Variants in COLQ observed in about 807,000 individuals in gnomAD.
The protein encoded by COLQ is collagen like tail subunit of asymmetric acetylcholinesterase.
A neutral mutation model predicts 69.0 loss-of-function variants in COLQ; 48 were observed. The ratio of observed to expected loss-of-function variants is 0.70; its 90% CI spans 0.55 to 0.88. The LOEUF (loss-of-function observed/expected upper bound fraction) is 0.88, where lower values mean the gene tolerates loss of function less well. Among genes scored for constraint, COLQ ranks in the 40% least tolerant of loss-of-function variants. The pLI, the probability that COLQ is intolerant of heterozygous loss-of-function variation, is 0.00. For synonymous variants in COLQ, 217 were observed against 211.2 expected, an observed-to-expected ratio of 1.03 and a Z score of -0.24; for missense variants, 618 against 594.6, an observed-to-expected ratio of 1.04 and a Z score of -0.41.
At chr3:15,515,386 A>G (rs1239565167) in intron 1 of COLQ, among the ~76,000 whole-genome samples, 1 of 152,174 alleles carries the variant, frequency 6.6e-6, no homozygotes, top group Non-Finnish European at 1.5e-5. Flanking sequence ...GACCCCTCAC[A>G]GTAGGGGCTA....
At chr3:15,457,794 T>A (rs1402935301) in intron 13 of COLQ, among the ~76,000 whole-genome samples, 1 of 152,062 alleles carries the variant, frequency 6.6e-6, no homozygotes, top group Non-Finnish European at 1.5e-5. Context: ...TTAAATATAT[T>A]TTTTAGTAGA....
At chr3:15,505,375 T>C (rs1343454958) in intron 1 of COLQ, among the ~76,000 whole-genome samples, 1 of 152,234 alleles carries the variant, frequency 6.6e-6, no homozygotes, top group Non-Finnish European at 1.5e-5. Flanking sequence ...CGGTCATTAT[T>C]TTATATAAGT....
At position 15,514,842 on chromosome 3, in the gene COLQ, G is replaced by A. The variant is rs1363295185; in HGVS notation, c.106+6678C>T. ...GCTGGAGAAGCTCCATTCCAGTGAT[G>A]GCCAGAACGTGCGTCCAGCAGCTTG... On this transcript the variant is annotated intron_variant, in intron 1 of 16. Transcript: ENST00000383788. Among the ~76,000 whole-genome samples the A allele has an allele frequency of 4.6e-5, 7 of 152,186 alleles. No homozygotes were observed. In the South Asian group the frequency reaches 8.3e-4, roughly 18 times the overall value.
At chr3:15,514,745 A>G (rs1180730827) in intron 1 of COLQ, among the ~76,000 whole-genome samples, 2 of 152,188 alleles carry the variant, frequency 1.3e-5, no homozygotes, top group African/African-American at 2.4e-5. Flanking sequence ...GACCAGAGTC[A>G]CATGCCCAGA....
rs558416860 is a variant in COLQ, at chr3:15,486,566, A to G, written c.321+1640T>C. Among the ~76,000 whole-genome samples, 9 of 152,268 alleles carry G rather than the reference A, an allele frequency of 5.9e-5. No homozygotes were observed. The South Asian group carries it at 8.3e-4, about 14-fold the overall frequency. On this transcript the variant is annotated intron_variant, in intron 3 of 16. Transcript: ENST00000383788. ...GCAGAAAATCCCCCTTTTCTTTTCT[A>G]TATTCCATGGGTTCTAGCATGCCTG... is the stretch of plus-strand genomic sequence containing the variant.
chr3:15,462,203 A>C, intron 12 of COLQ, among the ~76,000 whole-genome samples: 1 of 151,592 alleles, frequency 6.6e-6, no homozygotes, highest in Non-Finnish European at 1.5e-5. Context: ...TAATTTTTGT[A>C]TTTTTAGTAG....
chr3:15,458,384 G>C, intron 12 of COLQ, 59 bp from the exon 13 acceptor site: 2 of 1,602,124 alleles, frequency 1.2e-6, no homozygotes, highest in Non-Finnish European at 1.7e-6. Context: ...CAAACAACCA[G>C]GGAGATGTGA....
rs1397568469 is a variant in COLQ, at chr3:15,453,950, G to T, written c.1196-19C>A. On this transcript the variant is annotated intron_variant, in intron 15 of 16. Coordinates refer to ENST00000383788, the MANE Select transcript of COLQ (RefSeq NM_005677.4). ...TGACAGCCTGAGGGGACATAAGGAG[G>T]TGCAGTCTTGAGAAGGAGCAGAGGC... 1.3e-6 allele frequency: 2 copies of T among 1,564,774 alleles called. No homozygotes were observed. The highest frequency in any genetic ancestry group is 1.7e-6 in the Non-Finnish European group (2 of 1,143,980).
rs548764760 is a variant in COLQ, at chr3:15,478,837, C to T, written c.393+140G>A. 15 of 1,005,988 alleles carry T rather than the reference C, an allele frequency of 1.5e-5. No individual in the cohort carries two copies. The South Asian group carries it at 1.7e-4, about 11-fold the overall frequency. The allele number at this position is 1,005,988 out of a possible 1,614,324, so 62.3% of individuals were successfully genotyped here. A position where few individuals can be genotyped will look rare whatever the true frequency, so the allele number is the denominator to read the frequency against. On this transcript the variant is annotated intron_variant, in intron 5 of 16. Coordinates refer to ENST00000383788, the MANE Select transcript of COLQ (RefSeq NM_005677.4). ...AGGGCAAGGTTACTACTGTCACCAT[C>T]GAGACAGCAGCACCATCACTGTCCA...
intron 15 of COLQ, among the ~76,000 whole-genome samples, chr3:15,455,244 C>T (rs2062008157): frequency 6.6e-6 from 1 of 152,230 alleles, no homozygotes; most frequent in Non-Finnish European, 1.5e-5. Context: ...CACCATGTGG[C>T]CTCTGCCTTG....
Position 15,474,277 on chromosome 3 carries a change from G to C in COLQ, c.556-5C>G. ...ACCCTTTTCACCTCTGGATCCCTAGGAAGAAACCATAGGAGAAAGTCAATG... is the reference window on the plus strand; with the variant it reads ...ACCCTTTTCACCTCTGGATCCCTAGCAAGAAACCATAGGAGAAAGTCAATG... On this transcript the variant is annotated splice_region_variant and splice_polypyrimidine_tract_variant and intron_variant, in intron 8 of 16. Transcript: ENST00000383788. 6.2e-7 allele frequency: 1 copy of C among 1,613,846 alleles called. No individual in the cohort carries two copies. The highest frequency in any genetic ancestry group is 8.5e-7 in the Non-Finnish European group (1 of 1,179,748).
At position 15,455,957 on chromosome 3, in the gene COLQ, G is replaced by A. The variant is rs990280097; in HGVS notation, c.1137C>T (p.Leu379=). The A allele has an allele frequency of 1.2e-6, 2 of 1,614,126 alleles. No individual in the cohort carries two copies. Among genetic ancestry groups the A allele is most frequent in the African/African-American group, 1.3e-5 (1 of 75,030 alleles). ...ADQHGTCGDG[L]LQPGEECDDG... The stretch of plus-strand genomic sequence containing the variant: ...CGTCACACTCCTCCCCAGGCTGCAG[G>A]AGCCCATCCCCACAGGTGCCGTGCT... Residue 379 remains leucine, a synonymous_variant, in exon 15 of 17, where the codon CTC becomes CTT. Transcript: ENST00000383788.
At chr3:15,503,551 C>T (rs986502815) in intron 1 of COLQ, among the ~76,000 whole-genome samples, 4 of 152,150 alleles carry the variant, frequency 2.6e-5, no homozygotes, top group African/African-American at 9.7e-5. Flanking sequence ...CACTAAAATG[C>T]TCACCTGTTA....
chr3:15,458,371 G>T, intron 12 of COLQ, 46 bp from the exon 13 acceptor site: 1 of 1,611,988 alleles, frequency 6.2e-7, no homozygotes, highest in South Asian at 1.1e-5. Context: ...AGGAAGAGAA[G>T]ACCAAACAAC....
At chr3:15,515,068 G>C (rs899809160) in intron 1 of COLQ, among the ~76,000 whole-genome samples, 4 of 152,118 alleles carry the variant, frequency 2.6e-5, no homozygotes, top group African/African-American at 9.7e-5. Flanking sequence ...TTGGGCAGCT[G>C]GTTCACAAAC....
chr3:15,510,157 C>G (rs914721734), intron 1 of COLQ, among the ~76,000 whole-genome samples: 16 of 151,064 alleles, frequency 1.1e-4, no homozygotes, highest in African/African-American at 3.9e-4. Flanking sequence ...GCCTGGGCGA[C>G]AGAGCGAGAC....
chr3:15,454,583 C>T (rs1046285929), intron 15 of COLQ, among the ~76,000 whole-genome samples: 2 of 151,296 alleles, frequency 1.3e-5, no homozygotes, highest in South Asian at 2.1e-4. Flanking sequence ...GGAGACAGTT[C>T]GGCCACACTG....
chr3:15,482,426 T>C (rs1459897331), intron 3 of COLQ, among the ~76,000 whole-genome samples: 1 of 152,228 alleles, frequency 6.6e-6, no homozygotes, highest in East Asian at 1.9e-4. Flanking sequence ...TGAAGGGCTG[T>C]TGAATTTTGT....
chr3:15,475,597 T>C, intron 6 of COLQ, 110 bp from the exon 7 acceptor site: 2 of 1,054,254 alleles, frequency 1.9e-6, no homozygotes, highest in Non-Finnish European at 2.9e-6. Context: ...GGCTGGCTTG[T>C]AAATCTGAGG....
Sources: gnomAD v4.1 joint callset for allele counts (sites outside exome capture counted in the v4.1 genomes callset) on GRCh38, gnomAD v4.1.1 for gene constraint, MANE v1.5 for transcripts, NCBI Gene and HGNC (gene_info 2026-07-23, HGNC 2026-07-21) for gene names.